The following MACROD2 variants were observed in gnomAD, a reference collection of about 807,000 sequenced individuals.
MACROD2 encodes the protein ADP-ribose glycohydrolase MACROD2.
MACROD2 carries 36 observed loss-of-function variants against 70.4 expected under a neutral mutation model. The observed-to-expected ratio is 0.51, with a 90% CI of 0.39 to 0.68. The LOEUF (loss-of-function observed/expected upper bound fraction) is 0.68. Among genes scored for constraint, MACROD2 ranks in the 30% least tolerant of loss-of-function variants. The pLI, the probability that MACROD2 is intolerant of heterozygous loss-of-function variation, is 0.00. For synonymous variants in MACROD2, 172 were observed against 178.8 expected (o/e 0.96, Z 0.30); for missense variants, 496 against 538.4 (o/e 0.92, Z 0.78).
intron 8 of MACROD2, among the ~76,000 whole-genome samples, chr20:15,750,002 T>A (rs551757491): frequency 6.6e-6 from 1 of 151,936 alleles, no homozygotes; most frequent in South Asian, 2.1e-4. Context: ...AGTAGACAAA[T>A]AAGACTACAT....
intron 6 of MACROD2, among the ~76,000 whole-genome samples, chr20:15,245,058 G>T (rs935125603): frequency 2.4e-4 from 37 of 152,160 alleles, no homozygotes; most frequent in African/African-American, 8.4e-4. Flanking sequence ...GAGATTTGTT[G>T]TAACCATTCA....
chr20:14,752,080 C>CAT (rs1214075045), intron 5 of MACROD2, among the ~76,000 whole-genome samples: 4 of 145,378 alleles, frequency 2.8e-5, no homozygotes, highest in African/African-American at 1.1e-4. Flanking sequence ...ACCATCTCCT[C>CAT]ATCTTTTTTT....
intron 3 of MACROD2, among the ~76,000 whole-genome samples, chr20:14,329,507 A>G (rs1253102352): frequency 1.3e-5 from 2 of 152,122 alleles, no homozygotes; most frequent in Admixed American, 6.6e-5. Flanking sequence ...CAAATAAAGT[A>G]GGAGCCAAAG....
intron 5 of MACROD2, among the ~76,000 whole-genome samples, chr20:14,822,403 A>T (rs1021898090): frequency 2.0e-5 from 3 of 151,840 alleles, no homozygotes; most frequent in African/African-American, 4.8e-5. Flanking sequence ...TTAATAGTAA[A>T]CTCTGCCATT....
chr20:15,473,994 C>T (rs796529269), intron 7 of MACROD2, among the ~76,000 whole-genome samples: 5 of 152,300 alleles, frequency 3.3e-5, no homozygotes, highest in African/African-American at 1.2e-4. Context: ...GCTCAAGCCC[C>T]TGTTAGCTCT....
chr20:14,907,097 C>A (rs899800174), intron 5 of MACROD2, among the ~76,000 whole-genome samples: 1 of 152,192 alleles, frequency 6.6e-6, no homozygotes, highest in African/African-American at 2.4e-5. Context: ...TACCAGTGTG[C>A]CATGTCAGCT....
intron 4 of MACROD2, among the ~76,000 whole-genome samples, chr20:14,567,539 GGCTATAC>G (rs1375734732): frequency 1.4e-4 from 21 of 151,994 alleles, no homozygotes; most frequent in African/African-American, 4.8e-4. Context: ...ATGCTAGCAT[GGCTATAC>G]TTGTTATTTA....
At chr20:15,029,621 CA>C (rs2075259317) in intron 5 of MACROD2, among the ~76,000 whole-genome samples, 2 of 152,164 alleles carry the variant, frequency 1.3e-5, no homozygotes, top group Non-Finnish European at 2.9e-5. Flanking sequence ...GTTAGTTTAT[CA>C]GAAGCACAAA....
At chr20:14,077,869 TAGTA>T (rs2053933462) in intron 2 of MACROD2, among the ~76,000 whole-genome samples, 1 of 151,836 alleles carries the variant, frequency 6.6e-6, no homozygotes, top group Admixed American at 6.6e-5. Context: ...GGTCTGTTCT[TAGTA>T]AGAGACTGTG....
intron 6 of MACROD2, among the ~76,000 whole-genome samples, chr20:15,332,073 A>T (rs2077998487): frequency 6.6e-6 from 1 of 151,598 alleles, no homozygotes; most frequent in Non-Finnish European, 1.5e-5. Flanking sequence ...TGAGTTCAAA[A>T]TGCTAAAGAA....
At chr20:14,413,192 A>C (rs1365081643) in intron 3 of MACROD2, among the ~76,000 whole-genome samples, 2 of 37,136 alleles carry the variant, frequency 5.4e-5, no homozygotes, top group African/African-American at 1.6e-4. Flanking sequence ...GCTCTTTACC[A>C]CTGTTTTTTT....
intron 6 of MACROD2, among the ~76,000 whole-genome samples, chr20:15,347,855 G>T (rs1003364223): frequency 1.3e-5 from 2 of 152,148 alleles, no homozygotes; most frequent in Non-Finnish European, 2.9e-5. Context: ...TTGAATGAAA[G>T]AATGAATAAG....
At chr20:14,783,916 G>C (rs1311830809) in intron 5 of MACROD2, among the ~76,000 whole-genome samples, 2 of 152,026 alleles carry the variant, frequency 1.3e-5, no homozygotes, top group Non-Finnish European at 2.9e-5. Flanking sequence ...GTTCCTCTTA[G>C]ACATTAAGTC....
At chr20:16,012,690 G>A (rs2066879075) in intron 15 of MACROD2, among the ~76,000 whole-genome samples, 4 of 152,156 alleles carry the variant, frequency 2.6e-5, no homozygotes, top group Admixed American at 2.6e-4. Flanking sequence ...CAAATGCTTA[G>A]TTTTAACATT....
intron 5 of MACROD2, among the ~76,000 whole-genome samples, chr20:14,855,512 A>G (rs1226856754): frequency 1.3e-5 from 2 of 151,884 alleles, no homozygotes; most frequent in African/African-American, 2.4e-5. Context: ...ATTATACTCA[A>G]TAGTCCAACA....
At chr20:15,294,287 C>A (rs1457792810) in intron 6 of MACROD2, among the ~76,000 whole-genome samples, 1 of 152,070 alleles carries the variant, frequency 6.6e-6, no homozygotes, top group East Asian at 1.9e-4. Flanking sequence ...TCTTTCCCAC[C>A]TTTTCCTATG....
chr20:15,014,958 G>C (rs1436850957), intron 5 of MACROD2, among the ~76,000 whole-genome samples: 1 of 151,798 alleles, frequency 6.6e-6, no homozygotes, highest in African/African-American at 2.4e-5. Context: ...GTATAATGTG[G>C]TCTCTTCAAA....
At chr20:14,218,380 C>T (rs1046128466) in intron 3 of MACROD2, among the ~76,000 whole-genome samples, 5 of 152,058 alleles carry the variant, frequency 3.3e-5, no homozygotes, top group Non-Finnish European at 7.4e-5. Flanking sequence ...TTTTTCCATT[C>T]CTTTAAGTTT....
At chr20:14,096,086 G>A (rs2054220669) in intron 3 of MACROD2, among the ~76,000 whole-genome samples, 1 of 152,140 alleles carries the variant, frequency 6.6e-6, no homozygotes, top group South Asian at 2.1e-4. Context: ...ATGAATTAAG[G>A]TTAAAAATGT....
Sources: allele counts gnomAD v4.1 joint callset (sites outside exome capture counted in the v4.1 genomes callset), GRCh38; gene constraint gnomAD v4.1.1; transcripts MANE v1.5; gene names NCBI Gene and HGNC (gene_info 2026-07-23, HGNC 2026-07-21).